The following DDR2 variants were observed in gnomAD, a reference collection of about 807,000 sequenced individuals.
DDR2 encodes the protein discoidin domain-containing receptor 2.
A neutral mutation model predicts 94.9 loss-of-function variants in DDR2; 27 were observed. That is an observed-to-expected ratio of 0.28 (90% CI 0.21 to 0.39). DDR2 has a LOEUF of 0.39. Among genes scored for constraint, DDR2 ranks in the 10% least tolerant of loss-of-function variants. The pLI, the probability that DDR2 is intolerant of heterozygous loss-of-function variation, is 1.00. For synonymous variants in DDR2, 382 were observed against 377.2 expected (o/e 1.01, Z -0.15); for missense variants, 783 against 1,076.0 (o/e 0.73, Z 3.81).
intron 2 of DDR2, among the ~76,000 whole-genome samples, chr1:162,665,483 T>G (rs1220456246): frequency 6.6e-6 from 1 of 152,106 alleles, no homozygotes; most frequent in South Asian, 2.1e-4. Flanking sequence ...ACTGTCAAAT[T>G]TGACCCTTCC....
intron 16 of DDR2, chr1:162,777,849 A>G (rs1438878882): frequency 1.3e-5 from 2 of 152,488 alleles, no homozygotes; most frequent in Non-Finnish European, 2.9e-5. Context: ...TGGCATTAAT[A>G]TGGTCACCCC....
intron 2 of DDR2, among the ~76,000 whole-genome samples, chr1:162,656,840 T>A (rs1013440477): frequency 6.8e-5 from 8 of 118,168 alleles, no homozygotes; most frequent in African/African-American, 2.3e-4. Context: ...GGAGTTTTTT[T>A]TTTTTTTTTA....
intron 3 of DDR2, among the ~76,000 whole-genome samples, chr1:162,728,928 G>C (rs1661858728): frequency 6.6e-6 from 1 of 152,092 alleles, no homozygotes; most frequent in African/African-American, 2.4e-5. Flanking sequence ...TTATAACATG[G>C]GGTCCATAAA....
At chr1:162,644,116 T>A (rs572202732) in intron 1 of DDR2, among the ~76,000 whole-genome samples, 1 of 152,330 alleles carries the variant, frequency 6.6e-6, no homozygotes, top group African/African-American at 2.4e-5. Context: ...AATATTTGGT[T>A]TCCAAAAATG....
chr1:162,722,614 A>C (rs1419456778), intron 3 of DDR2, among the ~76,000 whole-genome samples: 1 of 152,254 alleles, frequency 6.6e-6, no homozygotes, highest in Non-Finnish European at 1.5e-5. Context: ...TTGGAATGTT[A>C]TTAGTTCTGA....
intron 3 of DDR2, among the ~76,000 whole-genome samples, chr1:162,747,444 T>C (rs1028945912): frequency 3.7e-5 from 4 of 107,398 alleles, no homozygotes; most frequent in Non-Finnish European, 8.3e-5. Context: ...AAGAGAAGTT[T>C]AGAGAAAAAA....
rs1281415576 is a variant in DDR2, at chr1:162,785,235, G to A, written c.*4989G>A. ...GATGCTTCCTGCTGCTTCTACGTGA[G>A]TAGGATTAGCACTGGGGACAAAATA... On this transcript the variant is annotated 3_prime_UTR_variant, in exon 18 of 18. Transcript: ENST00000367921. The A allele has an allele frequency of 6.6e-6, 1 of 152,140 alleles. No homozygotes were observed. The highest frequency in any genetic ancestry group is 1.5e-5 in the Non-Finnish European group (1 of 68,012). The allele number at this position is 152,140 out of a possible 1,614,324, so 9.4% of individuals were successfully genotyped here. A position where few individuals can be genotyped will look rare whatever the true frequency, so the allele number is the denominator to read the frequency against.
chr1:162,663,565 G>A (rs1232204568), intron 2 of DDR2, among the ~76,000 whole-genome samples: 1 of 152,168 alleles, frequency 6.6e-6, no homozygotes, highest in Non-Finnish European at 1.5e-5. Context: ...TTGCTGTAAT[G>A]TATGAAAAAG....
intron 1 of DDR2, among the ~76,000 whole-genome samples, chr1:162,641,916 C>G (rs1005543320): frequency 1.3e-5 from 2 of 152,014 alleles, no homozygotes; most frequent in Non-Finnish European, 2.9e-5. Flanking sequence ...TGTATTGGGT[C>G]TATATTATAT....
intron 1 of DDR2, among the ~76,000 whole-genome samples, chr1:162,640,330 G>A (rs538643298): frequency 1.3e-5 from 2 of 152,186 alleles, no homozygotes; most frequent in South Asian, 2.1e-4. Context: ...GTGAGCCACC[G>A]CGCCCAGCTG....
At position 162,767,110 on chromosome 1, in the gene DDR2, C is replaced by G. The variant is rs924978991; in HGVS notation, c.1163-119C>G. ...AGAATAAGCAGAAGTATTAAGGTGG[C>G]ATCTTCCATAATTATCCTCAAGGAA... On this transcript the variant is annotated intron_variant, in intron 10 of 17. Coordinates refer to ENST00000367921, the MANE Select transcript of DDR2 (RefSeq NM_006182.4). 6 of 1,399,860 alleles carry G rather than the reference C, an allele frequency of 4.3e-6. No individual in the cohort carries two copies. The African/African-American group carries it at 5.7e-5, about 13-fold the overall frequency. The allele number at this position is 1,399,860 out of a possible 1,614,324, so 86.7% of individuals were successfully genotyped here. A position where few individuals can be genotyped will look rare whatever the true frequency, so the allele number is the denominator to read the frequency against.
chr1:162,724,261 C>A (rs977153540), intron 3 of DDR2, among the ~76,000 whole-genome samples: 7 of 152,162 alleles, frequency 4.6e-5, no homozygotes, highest in African/African-American at 1.7e-4. Context: ...CTGAAGTGAC[C>A]TTTATCTAAA....
chr1:162,778,454 T>C, intron 16 of DDR2, 126 bp from the exon 17 acceptor site: 1 of 1,161,198 alleles, frequency 8.6e-7, no homozygotes, highest in Middle Eastern at 1.9e-4. Context: ...TCCATGCACA[T>C]CTTGGCATTT....
chr1:162,669,723 A>G (rs1658741854), intron 2 of DDR2, among the ~76,000 whole-genome samples: 3 of 152,236 alleles, frequency 2.0e-5, no homozygotes, highest in African/African-American at 7.2e-5. Context: ...TATTTAATTT[A>G]TGAATACAGT....
chr1:162,640,888 G>A (rs928675868), intron 1 of DDR2, among the ~76,000 whole-genome samples: 5 of 150,876 alleles, frequency 3.3e-5, no homozygotes, highest in African/African-American at 1.2e-4. Flanking sequence ...CCCTCGACTA[G>A]CTGGGACTAT....
At chr1:162,678,584 A>G (rs1659246499) in intron 2 of DDR2, among the ~76,000 whole-genome samples, 2 of 152,200 alleles carry the variant, frequency 1.3e-5, no homozygotes. Flanking sequence ...TCACGGAGTA[A>G]GTCACTGAGT....
intron 11 of DDR2, among the ~76,000 whole-genome samples, chr1:162,769,913 T>C (rs1488142485): frequency 6.6e-6 from 1 of 152,228 alleles, no homozygotes; most frequent in Non-Finnish European, 1.5e-5. Flanking sequence ...AAACAATTTA[T>C]GTCTATTCCA....
At chr1:162,734,356 A>C (rs190327647) in intron 3 of DDR2, among the ~76,000 whole-genome samples, 66 of 152,340 alleles carry the variant, frequency 4.3e-4, no homozygotes, top group Non-Finnish European at 6.8e-4. Context: ...ATCACTTTTC[A>C]ATAGACGTTT....
At chr1:162,727,341 CATAT>C (rs760568019) in intron 3 of DDR2, among the ~76,000 whole-genome samples, 1 of 139,820 alleles carries the variant, frequency 7.2e-6, no homozygotes, top group Non-Finnish European at 1.5e-5. Flanking sequence ...AATATACACA[CATAT>C]ATATGTGAGT....
Sources: gnomAD v4.1 joint callset for allele counts (sites outside exome capture counted in the v4.1 genomes callset) on GRCh38, gnomAD v4.1.1 for gene constraint, MANE v1.5 for transcripts, NCBI Gene and HGNC (gene_info 2026-07-23, HGNC 2026-07-21) for gene names.